The following VPS41 variants were observed in gnomAD, a reference collection of about 807,000 sequenced individuals.
VPS41 encodes the protein VPS41 subunit of HOPS complex.
In VPS41, 85 loss-of-function variants were observed where a neutral mutation model predicts 130.9. The observed-to-expected ratio is 0.65, with a 90% CI of 0.55 to 0.78. The LOEUF is 0.78. Ranked by LOEUF, VPS41 falls within the 30% of genes least tolerant of loss-of-function variation. VPS41 has a pLI of 0.00. For missense variants in VPS41, 874 were observed against 1,018.7 expected, an observed-to-expected ratio of 0.86 and a Z score of 1.93; for synonymous variants, 335 against 332.9, an observed-to-expected ratio of 1.01 and a Z score of -0.07.
chr7:38,907,782 T>C (rs538916910), intron 1 of VPS41, among the ~76,000 whole-genome samples: 10 of 152,306 alleles, frequency 6.6e-5, no homozygotes, highest in Admixed American at 6.5e-4. Context: ...TCTAAGAACA[T>C]ATGAAACTCA....
chr7:38,859,840 T>G (rs1786066292), intron 4 of VPS41, among the ~76,000 whole-genome samples: 1 of 152,238 alleles, frequency 6.6e-6, no homozygotes, highest in Non-Finnish European at 1.5e-5. Flanking sequence ...AATTCTGAAG[T>G]CACGTTATTT....
At chr7:38,888,125 C>A (rs147055764) in intron 2 of VPS41, among the ~76,000 whole-genome samples, 1 of 152,080 alleles carries the variant, frequency 6.6e-6, no homozygotes, top group South Asian at 2.1e-4. Context: ...TATCAATTAA[C>A]GGGGGAAATA....
chr7:38,871,656 T>C (rs1356999175), intron 2 of VPS41, among the ~76,000 whole-genome samples: 1 of 152,010 alleles, frequency 6.6e-6, no homozygotes, highest in East Asian at 1.9e-4. Context: ...CACTCCAAAA[T>C]CTCCAAAGAA....
At chr7:38,796,578 A>G in intron 8 of VPS41, 167 bp downstream of exon 8, 1 of 974,996 alleles carries the variant, frequency 1.0e-6, no homozygotes, top group East Asian at 2.6e-5. Context: ...GAAAGCCAAA[A>G]GCAATCTAAT....
intron 3 of VPS41, among the ~76,000 whole-genome samples, chr7:38,864,084 A>G (rs185455715): frequency 2.3e-4 from 35 of 152,338 alleles, no homozygotes; most frequent in African/African-American, 7.7e-4. Flanking sequence ...TCTGTGGTAA[A>G]AGAATGGGTC....
chr7:38,726,333 A>C lies in VPS41; in HGVS notation c.2485-7T>G, dbSNP rs1360255811. On this transcript the variant is annotated splice_polypyrimidine_tract_variant and splice_region_variant and intron_variant, in intron 28 of 28. Coordinates refer to ENST00000310301, the MANE Select transcript of VPS41 (RefSeq NM_014396.4). Reference sequence around the variant, plus strand: ...AGAACTGTGCAGCAGAGTTCTAAAAATGCAATTTAAAAACACATATTTAAA... The same window carrying C: ...AGAACTGTGCAGCAGAGTTCTAAAACTGCAATTTAAAAACACATATTTAAA... 6.2e-7 allele frequency: 1 copy of C among 1,605,462 alleles called. No homozygotes were observed.
intron 4 of VPS41, among the ~76,000 whole-genome samples, chr7:38,856,522 C>T (rs1785989713): frequency 1.3e-5 from 2 of 152,088 alleles, no homozygotes; most frequent in Non-Finnish European, 2.9e-5. Flanking sequence ...AAGGTAGTAA[C>T]AGAAAATCAC....
rs564125725 is a variant in VPS41, at chr7:38,737,866, A to C, written c.2259+4119T>G. ...CCTGCTCCAGAGAGAAATGTAGAGA[A>C]ACCTAACTAGGCAGGTGTTGGCCTA... On this transcript the variant is annotated intron_variant, in intron 25 of 28. Coordinates refer to ENST00000310301, the MANE Select transcript of VPS41 (RefSeq NM_014396.4). Among the ~76,000 whole-genome samples the C allele has an allele frequency of 2.0e-5, 3 of 152,306 alleles. No individual in the cohort carries two copies. The South Asian group carries it at 6.2e-4, about 32-fold the overall frequency.
chr7:38,806,763 C>A (rs990203709), intron 7 of VPS41, among the ~76,000 whole-genome samples: 1 of 152,178 alleles, frequency 6.6e-6, no homozygotes, highest in African/African-American at 2.4e-5. Flanking sequence ...AGTACCTCAA[C>A]AGAAGCAATC....
At chr7:38,786,263 G>T (rs1300988790) in intron 10 of VPS41, among the ~76,000 whole-genome samples, 2 of 152,186 alleles carry the variant, frequency 1.3e-5, no homozygotes, top group Non-Finnish European at 2.9e-5. Flanking sequence ...CTGAACATCA[G>T]CTTCTTCACT....
intron 4 of VPS41, among the ~76,000 whole-genome samples, chr7:38,857,826 T>C (rs1429435580): frequency 6.6e-6 from 1 of 152,142 alleles, no homozygotes; most frequent in Non-Finnish European, 1.5e-5. Context: ...TAGGGTGACA[T>C]AAGACATCAA....
intron 12 of VPS41, 72 bp downstream of exon 12, chr7:38,774,043 T>C (rs747717106): frequency 2.2e-5 from 31 of 1,406,958 alleles, no homozygotes; most frequent in Non-Finnish European, 3.0e-5. Flanking sequence ...TTAAATTCCA[T>C]TTATTGCAAG....
chr7:38,796,382 T>C, intron 8 of VPS41: 1 of 447,216 alleles, frequency 2.2e-6, no homozygotes, highest in Non-Finnish European at 4.4e-6. Flanking sequence ...ATCAGCAATA[T>C]TCTGCACTTG....
intron 9 of VPS41, among the ~76,000 whole-genome samples, chr7:38,793,197 A>C (rs1448273669): frequency 6.6e-6 from 1 of 152,190 alleles, no homozygotes; most frequent in Non-Finnish European, 1.5e-5. Flanking sequence ...TTCCCAAGGG[A>C]AGGAACTCAT....
chr7:38,843,132 GA>G (rs1472604382), intron 4 of VPS41, among the ~76,000 whole-genome samples: 1 of 152,088 alleles, frequency 6.6e-6, no homozygotes, highest in East Asian at 1.9e-4. Flanking sequence ...TTAAAAATAA[GA>G]AAAAATTTAA....
intron 7 of VPS41, among the ~76,000 whole-genome samples, chr7:38,803,948 G>C (rs975462448): frequency 6.6e-6 from 1 of 152,198 alleles, no homozygotes; most frequent in Non-Finnish European, 1.5e-5. Flanking sequence ...GGAAGAAAAA[G>C]AGAACTTCCC....
chr7:38,790,004 G>T (rs1784507928), intron 9 of VPS41, 137 bp from the exon 10 acceptor site: 4 of 753,562 alleles, frequency 5.3e-6, no homozygotes, highest in South Asian at 1.7e-5. Flanking sequence ...TGACTTAAAT[G>T]ACAGAAATTA....
chr7:38,773,417 A>G (rs1784193435), intron 12 of VPS41, among the ~76,000 whole-genome samples: 1 of 152,204 alleles, frequency 6.6e-6, no homozygotes, highest in Non-Finnish European at 1.5e-5. Context: ...GTTTAAACAT[A>G]TATAGAATAT....
chr7:38,831,055 G>A (rs1181867905), intron 4 of VPS41, among the ~76,000 whole-genome samples: 12 of 152,172 alleles, frequency 7.9e-5, no homozygotes, highest in African/African-American at 2.2e-4. Flanking sequence ...CTGGACTTCC[G>A]GCTGAGAAGT....
Sources: gnomAD v4.1 joint callset for allele counts (sites outside exome capture counted in the v4.1 genomes callset) on GRCh38, gnomAD v4.1.1 for gene constraint, MANE v1.5 for transcripts, NCBI Gene and HGNC (gene_info 2026-07-23, HGNC 2026-07-21) for gene names.